The following ZNG1B variants were observed in gnomAD, a reference collection of about 807,000 sequenced individuals.
ZNG1B encodes the protein Zn regulated GTPase metalloprotein activator 1B.
the ZNG1B span, among the ~76,000 whole-genome samples, chr2:113,443,055 G>T: frequency 1.3e-5 from 2 of 150,698 alleles, no homozygotes; most frequent in Non-Finnish European, 2.9e-5. Flanking sequence ...TGCAACCTCC[G>T]CCTCCCGGGT....
chr2:113,494,779 C>G, the ZNG1B span: 21 of 718,878 alleles, frequency 2.9e-5, 2 homozygotes, highest in South Asian at 7.6e-4. Context: ...TATATAAAAT[C>G]TTTAATCAAT....
the ZNG1B span, among the ~76,000 whole-genome samples, chr2:113,478,031 A>T: frequency 6.7e-6 from 1 of 150,226 alleles, no homozygotes; most frequent in Non-Finnish European, 1.5e-5. Flanking sequence ...CATTTTCTAC[A>T]TATACCACAT....
chr2:113,447,974 G>A, the ZNG1B span: 7 of 390,832 alleles, frequency 1.8e-5, no homozygotes, highest in South Asian at 9.8e-5. Flanking sequence ...TATTCATGTT[G>A]ATACTCTATT....
chr2:113,440,302 TG>T, the ZNG1B span, among the ~76,000 whole-genome samples: 5 of 151,516 alleles, frequency 3.3e-5, no homozygotes, highest in South Asian at 4.2e-4. Context: ...TGTCTTAAAG[TG>T]TTTTTTTTTT....
At chr2:113,478,308 C>T in the ZNG1B span, among the ~76,000 whole-genome samples, 2 of 151,952 alleles carry the variant, frequency 1.3e-5, no homozygotes, top group South Asian at 4.1e-4. Flanking sequence ...AGATGGGGCT[C>T]TCTGTCACTC....
At chr2:113,442,012 T>C in the ZNG1B span, among the ~76,000 whole-genome samples, 2 of 152,194 alleles carry the variant, frequency 1.3e-5, no homozygotes, top group Non-Finnish European at 2.9e-5. Flanking sequence ...TTGCTGGGAT[T>C]ACAGGCATGA....
the ZNG1B span, among the ~76,000 whole-genome samples, chr2:113,485,219 C>T: frequency 1.3e-4 from 18 of 137,742 alleles, 1 homozygote; most frequent in African/African-American, 4.6e-4. Context: ...AAGAGCAATA[C>T]GGATGTTTAA....
the ZNG1B span, among the ~76,000 whole-genome samples, chr2:113,446,135 T>C: frequency 6.6e-6 from 1 of 151,476 alleles, no homozygotes; most frequent in Non-Finnish European, 1.5e-5. Context: ...ATATATTGTA[T>C]GCTTTTATTA....
At chr2:113,468,021 TG>T in the ZNG1B span, among the ~76,000 whole-genome samples, 1 of 152,006 alleles carries the variant, frequency 6.6e-6, no homozygotes, top group Admixed American at 6.5e-5. Flanking sequence ...GTAGATTCAA[TG>T]TGAGGCTAAT....
chr2:113,479,470 TC>T, the ZNG1B span, among the ~76,000 whole-genome samples: 2 of 151,854 alleles, frequency 1.3e-5, no homozygotes, highest in Non-Finnish European at 2.9e-5. Context: ...CCATCTTAGT[TC>T]TGGCTTTACT....
At chr2:113,465,523 A>G in the ZNG1B span, among the ~76,000 whole-genome samples, 1 of 148,864 alleles carries the variant, frequency 6.7e-6, no homozygotes, top group African/African-American at 2.4e-5. Flanking sequence ...GCTTTTTAAT[A>G]TTTAAAAAGC....
chr2:113,439,864 C>G, the ZNG1B span, among the ~76,000 whole-genome samples: 2 of 150,588 alleles, frequency 1.3e-5, no homozygotes, highest in Non-Finnish European at 3.0e-5. Context: ...TCCATTCCCC[C>G]CTTCCCTTAA....
the ZNG1B span, chr2:113,468,748 T>C: frequency 6.6e-6 from 1 of 151,792 alleles, no homozygotes; most frequent in South Asian, 2.1e-4. Context: ...AGAATTTCTT[T>C]TTCATGGTGG....
chr2:113,478,644 GT>G, the ZNG1B span, among the ~76,000 whole-genome samples: 3,213 of 143,428 alleles, frequency 0.022, 46 homozygotes, highest in Non-Finnish European at 0.033. Context: ...CTTTCAACTA[GT>G]TTTTTTTTTT....
At chr2:113,448,857 T>G in the ZNG1B span, among the ~76,000 whole-genome samples, 1 of 151,280 alleles carries the variant, frequency 6.6e-6, no homozygotes, top group Non-Finnish European at 1.5e-5. Flanking sequence ...TAAGCTGAGA[T>G]TGCACATTGC....
chr2:113,477,227 T>G, the ZNG1B span, among the ~76,000 whole-genome samples: 139 of 152,248 alleles, frequency 9.1e-4, no homozygotes, highest in Non-Finnish European at 1.5e-3. Flanking sequence ...GTGGTGCGCC[T>G]TTTTTTAAGC....
At chr2:113,471,088 A>T in the ZNG1B span, 2 of 1,569,414 alleles carry the variant, frequency 1.3e-6, no homozygotes, top group Non-Finnish European at 1.7e-6. Context: ...CTCTGGAATA[A>T]GGTATGTTTT....
At chr2:113,461,196 G>A in the ZNG1B span, among the ~76,000 whole-genome samples, 4 of 150,672 alleles carry the variant, frequency 2.7e-5, no homozygotes, top group South Asian at 6.3e-4. Context: ...ACAGGCACCC[G>A]CCACCATGCC....
At chr2:113,475,724 T>G in the ZNG1B span, among the ~76,000 whole-genome samples, 4 of 151,950 alleles carry the variant, frequency 2.6e-5, no homozygotes, top group Admixed American at 6.6e-5. Flanking sequence ...GTCTGTAAAG[T>G]ATTTTATTTC....
Sources: gnomAD v4.1 joint callset for allele counts (sites outside exome capture counted in the v4.1 genomes callset) on GRCh38, gnomAD v4.1.1 for gene constraint, MANE v1.5 for transcripts, NCBI Gene and HGNC (gene_info 2026-07-23, HGNC 2026-07-21) for gene names.